CAMKK2: variants seen among roughly 807,000 people sequenced by gnomAD.
The protein encoded by CAMKK2 is calcium/calmodulin-dependent protein kinase kinase 2.
CAMKK2 carries 30 observed loss-of-function variants against 67.2 expected under a neutral mutation model. The observed-to-expected ratio is 0.45, with a 90% confidence interval of 0.33 to 0.61. The LOEUF is 0.61. Ranked by LOEUF, CAMKK2 falls within the 20% of genes least tolerant of loss-of-function variation. CAMKK2 has a pLI of 0.02. For missense variants in CAMKK2, 643 were observed against 802.0 expected (o/e 0.80, Z 2.39); for synonymous variants, 322 against 326.2 (o/e 0.99, Z 0.14).
chr12:121,242,820 G>A (rs1177481539), intron 16 of CAMKK2, among the ~76,000 whole-genome samples: 2 of 152,020 alleles, frequency 1.3e-5, no homozygotes, highest in African/African-American at 4.8e-5. Flanking sequence ...TCGGCTCACT[G>A]CAAGCTCCGC....
In CAMKK2 at chr12:121,274,348, G is replaced by A. The variant is rs141381524; in HGVS notation, c.179C>T (p.Pro60Leu). The change falls in exon 2 of 17, where the codon CCG becomes CTG. Residue 60 changes from proline to leucine, a missense_variant. Around this residue, in one of 3 missense-constraint regions of CAMKK2, gnomAD observed 483 missense variants for 625.8 expected, o/e 0.77. Coordinates refer to ENST00000404169, the MANE Select transcript of CAMKK2 (RefSeq NM_001270485.2). ...CAAGCCGAGGTCCACAGCACAGCCC[G>A]GCTCACACTCGGTGACCACAATGAA... ...ESFIVVTECE[P>L]GCAVDLGLAR... The A allele has an allele frequency of 1.5e-5, 25 of 1,613,380 alleles. No individual in the cohort carries two copies. The highest frequency in any genetic ancestry group is 1.1e-4 in the African/African-American group (8 of 74,930).
chr12:121,277,141 C>T lies in CAMKK2; in HGVS notation c.-59-2556G>A, dbSNP rs562158553. 2.6e-5 allele frequency among the ~76,000 whole-genome samples: 4 copies of T among 152,198 alleles called. No homozygotes were observed. In the South Asian group the frequency reaches 6.2e-4, roughly 24 times the overall value. ...GATGAAATAGCTACTACGCCAGGCA[C>T]GTGGCAGGGAAAGCCCAACAGGAAA... On this transcript the variant is annotated intron_variant, in intron 1 of 16. Transcript: ENST00000404169.
At position 121,285,878 on chromosome 12, in the gene CAMKK2, G is replaced by A. The variant is rs1381696143; in HGVS notation, c.-60+10760C>T. ...TCTTATTCTGTGATTTTGTGGAAGT[G>A]TTGAAAAGAAAGAATGTCCTTTCTG... On this transcript the variant is annotated intron_variant, in intron 1 of 16. Coordinates refer to ENST00000404169, the MANE Select transcript of CAMKK2 (RefSeq NM_001270485.2). This position sits in a 1 kb window ranked among gnomAD's most constrained non-coding sequence, Gnocchi z 4.1. Among the ~76,000 whole-genome samples the A allele has an allele frequency of 6.6e-6, 1 of 152,148 alleles. No individual in the cohort carries two copies. The highest frequency in any genetic ancestry group is 1.5e-5 in the Non-Finnish European group (1 of 68,022).
chr12:121,270,953 G>A lies in CAMKK2; in HGVS notation c.472-8C>T. ...ATTCAGCTGCACACAGTCCTAGAGA[G>A]TAAGGAGAGACACGTGCAAAATGAA... On this transcript the variant is annotated splice_polypyrimidine_tract_variant and splice_region_variant and intron_variant, in intron 2 of 16. Coordinates refer to ENST00000404169, the MANE Select transcript of CAMKK2 (RefSeq NM_001270485.2). 1.9e-6 allele frequency: 3 copies of A among 1,612,100 alleles called. No homozygotes were observed. The highest frequency in any genetic ancestry group is 2.5e-6 in the Non-Finnish European group (3 of 1,178,426).
At chr12:121,244,167 GC>G in intron 16 of CAMKK2, 6 of 1,602,130 alleles carry the variant, frequency 3.7e-6, no homozygotes, top group Non-Finnish European at 5.1e-6. Context: ...AGGCTGGAGA[GC>G]CCCTAGCGAA....
chr12:121,281,806 T>G (rs568816381), intron 1 of CAMKK2, among the ~76,000 whole-genome samples: 112 of 152,068 alleles, frequency 7.4e-4, no homozygotes, highest in African/African-American at 2.6e-3. Context: ...AATAGCCAGG[T>G]GTGGTGGCGG....
rs1889233195 is a variant in CAMKK2 at position 121,245,337 on chromosome 12, C to A, written c.1453-97G>T. ...CCCTCTTCCTTCTCCCCAGCCCCTG[C>A]CAGCTCCCAGGGCTGGTGACCGATG... On this transcript the variant is annotated intron_variant, in intron 14 of 16. Transcript: ENST00000404169. The surrounding 1 kb of genome is among the most constrained non-coding windows in gnomAD (Gnocchi z 5.8). 1 of 769,460 alleles carries A rather than the reference C, an allele frequency of 1.3e-6. No individual in the cohort carries two copies. The highest frequency in any genetic ancestry group is 1.5e-5 in the South Asian group (1 of 66,104). The allele number at this position is 769,460 out of a possible 1,614,324, so 47.7% of individuals were successfully genotyped here.
rs1566058621 is a variant in CAMKK2 at position 121,255,266 on chromosome 12, ATATATATATAAT to A, written c.907+272_907+283del. 9.8e-4 allele frequency among the ~76,000 whole-genome samples: 15 copies of A among 15,382 alleles called. 1 individual carries two copies. Among genetic ancestry groups the A allele is most frequent in the Admixed American group, 2.5e-3 (2 of 796 alleles). The allele number at this position is 15,382 out of a possible 152,430, so 10.1% of individuals were successfully genotyped here. A position where few individuals can be genotyped will look rare whatever the true frequency, so the allele number is the denominator to read the frequency against. On this transcript the variant is annotated intron_variant, in intron 9 of 16. Transcript: ENST00000404169. ...TATATATAATTATATATATAATTTT[ATATATATATAAT>A]TATATATATAATTATATATATAATT...
Position 121,240,828 on chromosome 12 carries a change from G to T in CAMKK2, c.1638C>A (p.Ala546=). The T allele has an allele frequency of 4.3e-6, 7 of 1,612,398 alleles. No individual in the cohort carries two copies. The highest frequency in any genetic ancestry group is 1.7e-5 in the Admixed American group (1 of 59,872). ...GAGCACTTCCTCCTCCCCCACGGGG[G>T]GCGGGTCGGTGCCCTGGAGGTTGTC... ...QRRQPPGHRP[A]PRGGGGSALV... Residue 546 remains alanine (A), a synonymous_variant, in exon 17 of 17, where the codon GCC becomes GCA. Coordinates refer to ENST00000404169, the MANE Select transcript of CAMKK2 (RefSeq NM_001270485.2). This position sits in a 1 kb window ranked among gnomAD's most constrained non-coding sequence, Gnocchi z 4.4.
At chr12:121,279,903 G>T (rs1279551235) in intron 1 of CAMKK2, among the ~76,000 whole-genome samples, 3 of 152,254 alleles carry the variant, frequency 2.0e-5, no homozygotes, top group African/African-American at 7.2e-5. Flanking sequence ...TTTCCTAGGG[G>T]CTGTTTCCAA....
chr12:121,255,460 A>G (rs1892063147), intron 9 of CAMKK2, 90 bp downstream of exon 9: 2 of 1,065,520 alleles, frequency 1.9e-6, no homozygotes, highest in East Asian at 5.4e-5. Flanking sequence ...CCTGTGCTCC[A>G]GGAAGAAAAT....
At chr12:121,276,420 C>T (rs1009771664) in intron 1 of CAMKK2, among the ~76,000 whole-genome samples, 7 of 151,992 alleles carry the variant, frequency 4.6e-5, no homozygotes, top group East Asian at 3.9e-4. Flanking sequence ...ATGACTGAGC[C>T]GAGATCGCAC....
rs1022723173 is a variant in CAMKK2 at position 121,287,605 on chromosome 12, C to T, written c.-60+9033G>A. On this transcript the variant is annotated intron_variant, in intron 1 of 16. Coordinates refer to ENST00000404169, the MANE Select transcript of CAMKK2 (RefSeq NM_001270485.2). ...GCCAACTGTCTTAAGAATTCTTAGG[C>T]AGCTATTACTTAGTCAGTAATGAAA... 4.6e-5 allele frequency among the ~76,000 whole-genome samples: 7 copies of T among 152,310 alleles called. No individual in the cohort carries two copies. In the South Asian group the frequency reaches 8.3e-4, roughly 18 times the overall value.
rs959415456 is a variant in CAMKK2, at chr12:121,249,734, C to T, written c.1323+53G>A. On this transcript the variant is annotated intron_variant, in intron 13 of 16. Coordinates refer to ENST00000404169, the MANE Select transcript of CAMKK2 (RefSeq NM_001270485.2). ...ACAAGGGTGTGGGGTCTGGCTGAGGCATGGCTGAGCCAAACAATTCCGAGC... is the reference window on the plus strand; with the variant it reads ...ACAAGGGTGTGGGGTCTGGCTGAGGTATGGCTGAGCCAAACAATTCCGAGC... The T allele has an allele frequency of 2.9e-5, 43 of 1,461,860 alleles. No individual in the cohort carries two copies. The African/African-American group carries it at 5.1e-4, about 17-fold the overall frequency. The allele number at this position is 1,461,860 out of a possible 1,614,324, so 90.6% of individuals were successfully genotyped here.
At chr12:121,289,912 G>C (rs941149113) in intron 1 of CAMKK2, among the ~76,000 whole-genome samples, 1 of 125,746 alleles carries the variant, frequency 8.0e-6, no homozygotes, top group South Asian at 2.7e-4. Context: ...AAAAAAAAAA[G>C]GCGGGGCGGG....
chr12:121,243,777 A>T, intron 16 of CAMKK2: 7 of 879,806 alleles, frequency 8.0e-6, no homozygotes, highest in Non-Finnish European at 1.0e-5. Context: ...CCACTGAATC[A>T]TACACTTCCC....
chr12:121,266,294 A>G (rs1433424827), intron 5 of CAMKK2, among the ~76,000 whole-genome samples: 1 of 152,212 alleles, frequency 6.6e-6, no homozygotes, highest in African/African-American at 2.4e-5. Context: ...TAAGCCACCC[A>G]GTCTCTCGTA....
chr12:121,240,642 T>C lies in CAMKK2; in HGVS notation c.*57A>G. ...AGGACATGCTGCTATGGAAACGCGG[T>C]GCAGCAGCCCCCCAGAGGCGACGCG... is the stretch of plus-strand genomic sequence containing the variant. On this transcript the variant is annotated 3_prime_UTR_variant, in exon 17 of 17. Transcript: ENST00000404169. The surrounding 1 kb of genome is among the most constrained non-coding windows in gnomAD (Gnocchi z 4.4). 2 of 1,540,404 alleles carry C rather than the reference T, an allele frequency of 1.3e-6. No homozygotes were observed. Among genetic ancestry groups the C allele is most frequent in the Non-Finnish European group, 1.7e-6 (2 of 1,149,198 alleles).
rs571654730 is a variant in CAMKK2, at chr12:121,291,242, C to T, written c.-60+5396G>A. The stretch of plus-strand genomic sequence containing the variant: ...GAGTGATTTCAAGAAACCTTTCTTC[C>T]ATCACCTGCTCCCTCCAAACAGAGT... On this transcript the variant is annotated intron_variant, in intron 1 of 16. Coordinates refer to ENST00000404169, the MANE Select transcript of CAMKK2 (RefSeq NM_001270485.2). Among the ~76,000 whole-genome samples, 3 of 152,334 alleles carry T rather than the reference C, an allele frequency of 2.0e-5. No individual in the cohort carries two copies. The Middle Eastern group carries it at 0.01, about 518-fold the overall frequency.
Sources: allele counts gnomAD v4.1 joint callset (sites outside exome capture counted in the v4.1 genomes callset), GRCh38; gene constraint gnomAD v4.1.1; regional missense constraint gnomAD v4.1.1; non-coding constraint Gnocchi (gnomAD v3.1); transcripts MANE v1.5; gene names NCBI Gene and HGNC (gene_info 2026-07-23, HGNC 2026-07-21).